The following KIF1B variants were observed in gnomAD, a reference collection of about 807,000 sequenced individuals.
KIF1B encodes the protein kinesin family member 1B, also known as kinesin-like protein KIF1B.
KIF1B carries 76 observed loss-of-function variants against 241.9 expected under a neutral mutation model. The observed-to-expected ratio is 0.31, with a 90% CI of 0.26 to 0.38. The LOEUF (loss-of-function observed/expected upper bound fraction) is 0.38, where lower values mean the gene tolerates loss of function less well. KIF1B is among the 10% of genes least tolerant of loss of function. The pLI is 1.00. For synonymous variants in KIF1B, 750 were observed against 796.7 expected (o/e 0.94, Z 0.99); for missense variants, 1,622 against 2,271.4 (o/e 0.71, Z 5.81).
chr1:10,266,432 A>C (rs1197428898), intron 5 of KIF1B, among the ~76,000 whole-genome samples: 1 of 152,208 alleles, frequency 6.6e-6, no homozygotes, highest in Non-Finnish European at 1.5e-5. Context: ...TGGTCCTGCC[A>C]ATGAGACAAG....
intron 14 of KIF1B, among the ~76,000 whole-genome samples, chr1:10,279,554 A>G (rs1042018958): frequency 3.3e-5 from 5 of 152,136 alleles, no homozygotes; most frequent in African/African-American, 1.2e-4. Flanking sequence ...CCTTTTACCA[A>G]TAATCATTTT....
At chr1:10,235,050 T>C (rs938857636) in intron 2 of KIF1B, among the ~76,000 whole-genome samples, 1 of 151,670 alleles carries the variant, frequency 6.6e-6, no homozygotes, top group African/African-American at 2.4e-5. Flanking sequence ...TCACCACACC[T>C]GGCTAATTTT....
At chr1:10,239,259 A>C (rs1381802289) in intron 2 of KIF1B, among the ~76,000 whole-genome samples, 2 of 152,202 alleles carry the variant, frequency 1.3e-5, no homozygotes, top group South Asian at 2.1e-4. Context: ...GTCACCACGC[A>C]GAGAGAACTA....
chr1:10,295,005 TG>T (rs2102255001), intron 17 of KIF1B, 80 bp from the exon 18 acceptor site: 2 of 890,726 alleles, frequency 2.2e-6, no homozygotes, highest in Admixed American at 3.4e-5. Flanking sequence ...TGGAGAAGCC[TG>T]GCCTCTTGTA....
At chr1:10,232,466 A>G in intron 2 of KIF1B, 32 bp downstream of exon 2, 1 of 1,452,418 alleles carries the variant, frequency 6.9e-7, no homozygotes, top group Non-Finnish European at 9.7e-7. Context: ...TCAGCTGTGT[A>G]TCTTACTTTC....
intron 22 of KIF1B, among the ~76,000 whole-genome samples, chr1:10,317,733 A>C (rs1442404973): frequency 6.6e-6 from 1 of 151,094 alleles, no homozygotes; most frequent in Non-Finnish European, 1.5e-5. Flanking sequence ...TGGGAGGCTA[A>C]GGCAGGAGAA....
At chr1:10,308,807 A>G (rs985594717) in intron 22 of KIF1B, among the ~76,000 whole-genome samples, 1 of 152,206 alleles carries the variant, frequency 6.6e-6, no homozygotes, top group African/African-American at 2.4e-5. Context: ...CTTAAGTGAG[A>G]TCTTTCAGCC....
chr1:10,340,000 T>C, intron 32 of KIF1B, 141 bp downstream of exon 32: 1 of 753,848 alleles, frequency 1.3e-6, no homozygotes, highest in Non-Finnish European at 2.4e-6. Flanking sequence ...GCTAGAGTGG[T>C]GAGGTCATCC....
intron 22 of KIF1B, chr1:10,304,425 C>G: frequency 6.2e-7 from 1 of 1,613,688 alleles, no homozygotes; most frequent in Middle Eastern, 1.7e-4. Flanking sequence ...GTGGTCACCC[C>G]ACTGCTGATG....
chr1:10,326,151 G>A lies in KIF1B; in HGVS notation c.2716G>A (p.Asp906Asn), dbSNP rs758389718. ...FHGCVNERLA[D>N]RTPSPTFSTA... Reference sequence around the variant, plus strand: ...CGGCTGTGTGAACGAGCGCCTTGCCGACCGCACACCCTCCCCCACTTTTTC... The same window carrying A: ...CGGCTGTGTGAACGAGCGCCTTGCCAACCGCACACCCTCCCCCACTTTTTC... The change falls in exon 27 of 49, where the codon GAC (aspartate) becomes AAC (asparagine). Residue 906 changes from aspartate (D) to asparagine (N), a missense_variant. By Grantham distance (23) the Asp-to-Asn change is conservative. This residue lies in a region of KIF1B where 803 missense variants were observed against 1,112.0 expected (regional missense o/e 0.72). Transcript: ENST00000676179. The surrounding 1 kb of genome is among the most constrained non-coding windows in gnomAD (Gnocchi z 5.2). The A allele has an allele frequency of 8.7e-6, 14 of 1,613,920 alleles. No individual in the cohort carries two copies. Among genetic ancestry groups the A allele is most frequent in the Middle Eastern group, 3.3e-4 (2 of 6,084 alleles).
At chr1:10,283,289 A>AT (rs1649523251) in intron 15 of KIF1B, among the ~76,000 whole-genome samples, 1 of 151,096 alleles carries the variant, frequency 6.6e-6, no homozygotes, top group South Asian at 2.1e-4. Context: ...TTATTAAATT[A>AT]TATCTTCTAG....
chr1:10,244,124 TTTG>T (rs1214006584), intron 2 of KIF1B, among the ~76,000 whole-genome samples: 1 of 152,134 alleles, frequency 6.6e-6, no homozygotes, highest in Non-Finnish European at 1.5e-5. Context: ...GGAAACTAAA[TTTG>T]TTGTAAATGA....
chr1:10,269,318 G>C (rs937750648), intron 7 of KIF1B, among the ~76,000 whole-genome samples: 2 of 151,938 alleles, frequency 1.3e-5, no homozygotes, highest in African/African-American at 4.8e-5. Context: ...TTTGGGACCA[G>C]CCTGGCCAGC....
chr1:10,337,906 G>T lies in KIF1B; in HGVS notation c.3422+373G>T, dbSNP rs1018890767. On this transcript the variant is annotated intron_variant, in intron 31 of 48. Transcript: ENST00000676179. The surrounding 1 kb of genome is among the most constrained non-coding windows in gnomAD (Gnocchi z 4.0). ...AATGACTTATCTAGCTAGCAATTACGCCTATTTAATACTCGGGAAAAGGAA... is the reference window on the plus strand; with the variant it reads ...AATGACTTATCTAGCTAGCAATTACTCCTATTTAATACTCGGGAAAAGGAA... 6.6e-6 allele frequency among the ~76,000 whole-genome samples: 1 copy of T among 151,970 alleles called. No homozygotes were observed. Among genetic ancestry groups the T allele is most frequent in the Admixed American group, 6.6e-5 (1 of 15,240 alleles).
intron 3 of KIF1B, 22 bp downstream of exon 3, chr1:10,256,345 C>T: frequency 6.7e-7 from 1 of 1,490,812 alleles, no homozygotes; most frequent in South Asian, 1.1e-5. Flanking sequence ...CATGCCACAG[C>T]ACTGCCAGCT....
intron 14 of KIF1B, among the ~76,000 whole-genome samples, chr1:10,281,391 G>T (rs773848052): frequency 7.2e-5 from 11 of 152,126 alleles, no homozygotes; most frequent in African/African-American, 2.7e-4. Context: ...TTTGTTGTTT[G>T]TGGCTTAATT....
At chr1:10,239,677 G>A (rs978052204) in intron 2 of KIF1B, among the ~76,000 whole-genome samples, 1 of 151,518 alleles carries the variant, frequency 6.6e-6, no homozygotes, top group African/African-American at 2.4e-5. Context: ...GCACAGTCTC[G>A]GCTCACTGCA....
chr1:10,220,134 G>A (rs1341857008), intron 1 of KIF1B, among the ~76,000 whole-genome samples: 1 of 151,630 alleles, frequency 6.6e-6, no homozygotes, highest in African/African-American at 2.4e-5. Context: ...CCCGGGAGGT[G>A]GAGGTTACGG....
chr1:10,368,660 A>C lies in KIF1B; in HGVS notation c.4824+122A>C, dbSNP rs1047740756. On this transcript the variant is annotated intron_variant, in intron 44 of 48. Transcript: ENST00000676179. ...CAACTTGTCATGGGCATAGCATTGT[A>C]TTTGAAAATTTATGACATACTGCTC... is the stretch of plus-strand genomic sequence containing the variant. 1.7e-5 allele frequency: 14 copies of C among 808,934 alleles called. No homozygotes were observed. In the East Asian group the frequency reaches 3.5e-4, roughly 20 times the overall value. 50.1% of individuals were successfully genotyped at this position (808,934 alleles called of 1,614,324 possible). A position where few individuals can be genotyped will look rare whatever the true frequency, so the allele number is the denominator to read the frequency against.
Sources: gnomAD v4.1 joint callset for allele counts (sites outside exome capture counted in the v4.1 genomes callset) on GRCh38, gnomAD v4.1.1 for gene constraint, gnomAD v4.1.1 regional missense constraint, Gnocchi (gnomAD v3.1) non-coding constraint, MANE v1.5 for transcripts, NCBI Gene and HGNC (gene_info 2026-07-23, HGNC 2026-07-21) for gene names.